The following NAALADL2 variants were observed in gnomAD, a reference collection of about 807,000 sequenced individuals.
NAALADL2 encodes inactive N-acetylated-alpha-linked acidic dipeptidase-like protein 2.
In NAALADL2, 76 loss-of-function variants were observed where a neutral mutation model predicts 87.2. The ratio of observed to expected loss-of-function variants is 0.87; its 90% confidence interval spans 0.72 to 1.05. NAALADL2 has a LOEUF of 1.05. NAALADL2 is among the 50% of genes least tolerant of loss of function. The pLI, the probability that NAALADL2 is intolerant of heterozygous loss-of-function variation, is 0.00. For synonymous variants in NAALADL2, 354 were observed against 331.0 expected, an observed-to-expected ratio of 1.07 and a Z score of -0.75; for missense variants, 1,089 against 945.8, an observed-to-expected ratio of 1.15 and a Z score of -1.99.
intron 5 of NAALADL2, among the ~76,000 whole-genome samples, chr3:175,414,353 C>A (rs1439439459): frequency 6.6e-6 from 1 of 152,008 alleles, no homozygotes; most frequent in Non-Finnish European, 1.5e-5. Flanking sequence ...GCACCGGTAC[C>A]TTATGTGTGT....
chr3:175,794,563 C>T (rs1368027462), intron 13 of NAALADL2, among the ~76,000 whole-genome samples: 4 of 152,042 alleles, frequency 2.6e-5, no homozygotes, highest in Non-Finnish European at 4.4e-5. Flanking sequence ...GAATGGGAGT[C>T]TTACTTGAAT....
At chr3:175,451,441 C>A (rs1721563940) in intron 6 of NAALADL2, among the ~76,000 whole-genome samples, 1 of 152,014 alleles carries the variant, frequency 6.6e-6, no homozygotes, top group African/African-American at 2.4e-5. Context: ...TTTGAATGGT[C>A]TTTTTCTTTG....
At chr3:174,871,725 C>G (rs1242423610) in intron 1 of NAALADL2, among the ~76,000 whole-genome samples, 1 of 152,018 alleles carries the variant, frequency 6.6e-6, no homozygotes, top group Non-Finnish European at 1.5e-5. Flanking sequence ...ATGGCAAAAC[C>G]CTGTGTCTAC....
chr3:175,215,411 T>C (rs1235680897), intron 2 of NAALADL2, among the ~76,000 whole-genome samples: 4 of 152,178 alleles, frequency 2.6e-5, no homozygotes, highest in African/African-American at 9.7e-5. Context: ...TGCTCTTCTA[T>C]GTCCGGGAGC....
intron 5 of NAALADL2, among the ~76,000 whole-genome samples, chr3:175,393,610 ACT>A (rs1369303658): frequency 6.6e-6 from 1 of 152,032 alleles, no homozygotes. Flanking sequence ...CACCCTATGC[ACT>A]CTCTCAGGCA....
intron 2 of NAALADL2, among the ~76,000 whole-genome samples, chr3:175,155,713 T>C (rs1358505606): frequency 1.3e-5 from 2 of 152,224 alleles, no homozygotes; most frequent in African/African-American, 2.4e-5. Flanking sequence ...ATTTAGAATA[T>C]GTAGCCAGTG....
At chr3:175,705,809 C>T (rs968520673) in intron 11 of NAALADL2, among the ~76,000 whole-genome samples, 2 of 152,036 alleles carry the variant, frequency 1.3e-5, no homozygotes, top group African/African-American at 2.4e-5. Context: ...TTGACCCAGA[C>T]CCAGATCATC....
intron 9 of NAALADL2, among the ~76,000 whole-genome samples, chr3:175,560,599 A>G: frequency 6.6e-6 from 1 of 151,858 alleles, no homozygotes. Flanking sequence ...TTTTTGATGT[A>G]GGCACATAGC....
intron 1 of NAALADL2, among the ~76,000 whole-genome samples, chr3:174,881,886 T>C (rs1393017425): frequency 6.6e-6 from 1 of 152,182 alleles, no homozygotes; most frequent in Non-Finnish European, 1.5e-5. Context: ...ACATATCTTG[T>C]AGATCTACTG....
intron 9 of NAALADL2, among the ~76,000 whole-genome samples, chr3:175,473,055 A>C (rs982611396): frequency 6.6e-6 from 1 of 152,146 alleles, no homozygotes; most frequent in African/African-American, 2.4e-5. Context: ...TATTTTGAGA[A>C]TCTTGAAAGA....
rs370373914 is a variant in NAALADL2, at chr3:174,919,453, C to T, written c.43+60003C>T. Among the ~76,000 whole-genome samples, 6 of 152,302 alleles carry T rather than the reference C, an allele frequency of 3.9e-5. No individual in the cohort carries two copies. The East Asian group carries it at 9.6e-4, about 24-fold the overall frequency. ...GAGCACATGCCATCTCAAGAAACCA[C>T]TGTCTTTGCTCATCCATAAATAACA... On this transcript the variant is annotated intron_variant, in intron 1 of 13. Transcript: ENST00000454872.
intron 1 of NAALADL2, among the ~76,000 whole-genome samples, chr3:174,460,726 G>T (rs1716164444): frequency 6.6e-6 from 1 of 151,696 alleles, no homozygotes; most frequent in South Asian, 2.1e-4. Flanking sequence ...ACATCATCTG[G>T]CTGGGCCATA....
At chr3:175,644,459 G>A (rs937823859) in intron 11 of NAALADL2, among the ~76,000 whole-genome samples, 17 of 151,632 alleles carry the variant, frequency 1.1e-4, no homozygotes, top group Non-Finnish European at 1.8e-4. Context: ...ATTTAGTTAG[G>A]GGCACAATTT....
chr3:175,193,410 A>G (rs2109073971), intron 2 of NAALADL2, among the ~76,000 whole-genome samples: 1 of 152,016 alleles, frequency 6.6e-6, no homozygotes, highest in South Asian at 2.1e-4. Context: ...AATGGTCAGG[A>G]AGAAGAAAAA....
chr3:175,174,925 A>C (rs1735488743), intron 2 of NAALADL2, among the ~76,000 whole-genome samples: 2 of 152,018 alleles, frequency 1.3e-5, no homozygotes, highest in South Asian at 4.1e-4. Context: ...TTTGACCATT[A>C]ATCTTCTTGT....
intron 1 of NAALADL2, among the ~76,000 whole-genome samples, chr3:175,031,959 GTTAT>G (rs1752846493): frequency 1.3e-5 from 2 of 151,820 alleles, no homozygotes; most frequent in Admixed American, 6.6e-5. Context: ...TTTTAATGGG[GTTAT>G]TTGTTTTTTC....
intron 10 of NAALADL2, among the ~76,000 whole-genome samples, chr3:175,612,641 T>C (rs1390798982): frequency 6.6e-6 from 1 of 152,112 alleles, no homozygotes; most frequent in Non-Finnish European, 1.5e-5. Context: ...GACTGACTGT[T>C]AAACAGAAAG....
At chr3:174,982,991 G>A (rs891762294) in intron 1 of NAALADL2, among the ~76,000 whole-genome samples, 4 of 152,194 alleles carry the variant, frequency 2.6e-5, no homozygotes, top group East Asian at 3.9e-4. Context: ...GTAGAGACGG[G>A]GTTTCAACAT....
chr3:175,786,616 A>C (rs939967178), intron 13 of NAALADL2, among the ~76,000 whole-genome samples: 3 of 152,032 alleles, frequency 2.0e-5, no homozygotes, highest in Admixed American at 1.3e-4. Context: ...TTTTTTTCAA[A>C]GTTTGCCACT....
Sources: allele counts gnomAD v4.1 joint callset (sites outside exome capture counted in the v4.1 genomes callset), GRCh38; gene constraint gnomAD v4.1.1; transcripts MANE v1.5; gene names NCBI Gene and HGNC (gene_info 2026-07-23, HGNC 2026-07-21).